IL20RB: variants seen among roughly 807,000 people sequenced by gnomAD.
The protein encoded by IL20RB is interleukin-20 receptor subunit beta.
IL20RB carries 21 observed loss-of-function variants against 33.3 expected under a neutral mutation model. The ratio of observed to expected loss-of-function variants is 0.63; its 90% CI spans 0.45 to 0.91. The LOEUF is 0.91. Ranked by LOEUF, IL20RB falls within the 40% of genes least tolerant of loss-of-function variation. IL20RB has a pLI of 0.00. For missense variants in IL20RB, 345 were observed against 384.8 expected, an observed-to-expected ratio of 0.90 and a Z score of 0.86; for synonymous variants, 147 against 146.8, an observed-to-expected ratio of 1.00 and a Z score of -0.01.
Position 136,995,607 on chromosome 3 carries a change from T to C in IL20RB, c.825+51T>C, listed in dbSNP as rs925106354. ...TCAGTATAACACTGACCAGATGTAG[T>C]TTGGGCCTTAGCTGGGCATGGGCAC... On this transcript the variant is annotated intron_variant, in intron 6 of 6. Transcript: ENST00000329582. 4.4e-6 allele frequency: 7 copies of C among 1,590,158 alleles called. No homozygotes were observed. In the East Asian group the frequency reaches 6.7e-5, roughly 15 times the overall value.
At chr3:136,995,133 C>A (rs1187706476) in intron 5 of IL20RB, among the ~76,000 whole-genome samples, 1 of 152,212 alleles carries the variant, frequency 6.6e-6, no homozygotes, top group African/African-American at 2.4e-5. Context: ...GCTAACACAG[C>A]AATTGGCTTA....
intron 1 of IL20RB, among the ~76,000 whole-genome samples, chr3:136,978,166 GTTTTTTT>G (rs780316908): frequency 1.5e-5 from 2 of 130,700 alleles, no homozygotes; most frequent in Non-Finnish European, 3.3e-5. Context: ...GTTCTGTCTT[GTTTTTTT>G]TTTTTTTTTT....
intron 1 of IL20RB, among the ~76,000 whole-genome samples, chr3:136,959,705 T>C (rs555049052): frequency 2.4e-4 from 36 of 152,330 alleles, no homozygotes; most frequent in African/African-American, 8.7e-4. Context: ...CTGACGCTTA[T>C]AAACTTACAT....
intron 1 of IL20RB, among the ~76,000 whole-genome samples, chr3:136,966,268 A>C (rs1941349098): frequency 8.7e-6 from 1 of 115,490 alleles, no homozygotes; most frequent in African/African-American, 3.6e-5. Flanking sequence ...TTCAGAAGGA[A>C]TGGTACCAGT....
chr3:137,004,509 C>G (rs1055570214), intron 6 of IL20RB, among the ~76,000 whole-genome samples: 7 of 152,074 alleles, frequency 4.6e-5, no homozygotes, highest in Non-Finnish European at 7.4e-5. Flanking sequence ...TGTATGTGTC[C>G]AGGAATTTAT....
At chr3:136,967,163 T>A (rs1941373904) in intron 1 of IL20RB, among the ~76,000 whole-genome samples, 1 of 149,748 alleles carries the variant, frequency 6.7e-6, no homozygotes, top group Non-Finnish European at 1.5e-5. Flanking sequence ...CTGAAAAAAA[T>A]GTATATTCTG....
chr3:136,971,925 G>C (rs537147861), intron 1 of IL20RB, among the ~76,000 whole-genome samples: 1 of 152,284 alleles, frequency 6.6e-6, no homozygotes, highest in South Asian at 2.1e-4. Context: ...GTTTTCCATA[G>C]TGGCTGTACT....
intron 2 of IL20RB, among the ~76,000 whole-genome samples, chr3:136,981,903 G>A (rs997505809): frequency 2.0e-5 from 3 of 152,204 alleles, no homozygotes; most frequent in African/African-American, 7.2e-5. Context: ...TGAGATTAGG[G>A]TGATGACCCT....
At chr3:136,962,666 C>T (rs971102483) in intron 1 of IL20RB, among the ~76,000 whole-genome samples, 7 of 151,170 alleles carry the variant, frequency 4.6e-5, no homozygotes, top group Non-Finnish European at 7.4e-5. Context: ...GCAGGAGAAT[C>T]GCTTGAACCT....
chr3:136,991,760 C>G lies in IL20RB; in HGVS notation c.532-178C>G, dbSNP rs1049462569. ...AGTAGCTGGGATTACAGGCACCCACCACCATGCCTGGCTAATTTTTTATTT... is the reference window on the plus strand; with the variant it reads ...AGTAGCTGGGATTACAGGCACCCACGACCATGCCTGGCTAATTTTTTATTT... On this transcript the variant is annotated intron_variant, in intron 4 of 6. Transcript: ENST00000329582. Among the ~76,000 whole-genome samples the G allele has an allele frequency of 4.6e-5, 7 of 152,172 alleles. No homozygotes were observed. The East Asian group carries it at 1.4e-3, about 29-fold the overall frequency.
chr3:136,980,267 T>G, intron 1 of IL20RB, 199 bp from the exon 2 acceptor site: 1 of 581,116 alleles, frequency 1.7e-6, no homozygotes. Context: ...ATTAGAGTTG[T>G]TTCTGGTTTA....
chr3:136,971,274 G>A (rs1668228580), intron 1 of IL20RB, among the ~76,000 whole-genome samples: 1 of 152,128 alleles, frequency 6.6e-6, no homozygotes, highest in Non-Finnish European at 1.5e-5. Context: ...GGGACTATGG[G>A]CATGTGCCAC....
At chr3:136,960,246 C>T (rs1941181862) in intron 1 of IL20RB, among the ~76,000 whole-genome samples, 1 of 138,282 alleles carries the variant, frequency 7.2e-6, no homozygotes, top group Non-Finnish European at 1.5e-5. Context: ...CACCCAGGTT[C>T]AAGCGATTCT....
At chr3:136,990,044 T>C (rs574170562) in intron 4 of IL20RB, among the ~76,000 whole-genome samples, 1 of 152,004 alleles carries the variant, frequency 6.6e-6, no homozygotes, top group African/African-American at 2.4e-5. Context: ...TAAACCCATC[T>C]AACTATGAGC....
intron 1 of IL20RB, among the ~76,000 whole-genome samples, chr3:136,974,028 T>C (rs987204393): frequency 6.6e-5 from 10 of 152,176 alleles, no homozygotes; most frequent in Non-Finnish European, 1.3e-4. Flanking sequence ...TTTATATCTT[T>C]TAAATGGAGA....
chr3:136,976,921 T>C (rs923537024), intron 1 of IL20RB, among the ~76,000 whole-genome samples: 2 of 152,168 alleles, frequency 1.3e-5, no homozygotes, highest in Admixed American at 1.3e-4. Flanking sequence ...AGGAATTCTC[T>C]CACGGTCAGG....
chr3:136,971,786 G>A (rs1304490959), intron 1 of IL20RB, among the ~76,000 whole-genome samples: 1 of 152,118 alleles, frequency 6.6e-6, no homozygotes, highest in East Asian at 1.9e-4. Flanking sequence ...GAGTAATGGT[G>A]CAATAAACAT....
intron 6 of IL20RB, among the ~76,000 whole-genome samples, chr3:136,997,360 G>C (rs1942150651): frequency 6.6e-6 from 1 of 152,150 alleles, no homozygotes; most frequent in African/African-American, 2.4e-5. Flanking sequence ...TCAAAGTGTT[G>C]GGATTATAGG....
intron 3 of IL20RB, among the ~76,000 whole-genome samples, chr3:136,985,863 C>A (rs1356111449): frequency 6.6e-6 from 1 of 152,130 alleles, no homozygotes; most frequent in Non-Finnish European, 1.5e-5. Flanking sequence ...AGGCTAAACA[C>A]CCCACACAAG....
Sources: gnomAD v4.1 joint callset for allele counts (sites outside exome capture counted in the v4.1 genomes callset) on GRCh38, gnomAD v4.1.1 for gene constraint, MANE v1.5 for transcripts, NCBI Gene and HGNC (gene_info 2026-07-23, HGNC 2026-07-21) for gene names.